Variants in LNPEP observed in about 807,000 individuals in gnomAD.
LNPEP encodes the protein leucyl and cystinyl aminopeptidase, also known as leucyl-cystinyl aminopeptidase.
LNPEP carries 64 observed loss-of-function variants against 120.6 expected under a neutral mutation model. The observed-to-expected ratio is 0.53, with a 90% CI of 0.43 to 0.65. The LOEUF is 0.65. LNPEP is among the 30% of genes least tolerant of loss of function. The pLI is 0.00. For synonymous variants in LNPEP, 435 were observed against 425.4 expected, an observed-to-expected ratio of 1.02 and a Z score of -0.28; for missense variants, 1,057 against 1,200.0, an observed-to-expected ratio of 0.88 and a Z score of 1.76.
At chr5:96,958,648 T>G (rs1042221456) in intron 1 of LNPEP, 16 of 247,420 alleles carry the variant, frequency 6.5e-5, no homozygotes, top group African/African-American at 3.3e-4. Flanking sequence ...AACGAAGGAG[T>G]TGGCAGGGCT....
chr5:96,999,995 A>C (rs1790607473), intron 8 of LNPEP, among the ~76,000 whole-genome samples: 1 of 152,132 alleles, frequency 6.6e-6, no homozygotes, highest in South Asian at 2.1e-4. Context: ...TACAAATACT[A>C]ACCATATACC....
intron 1 of LNPEP, among the ~76,000 whole-genome samples, chr5:96,961,195 A>C (rs1254810557): frequency 2.6e-5 from 4 of 152,174 alleles, no homozygotes. Flanking sequence ...ACAAAAAAAA[A>C]CTGTCTACCA....
chr5:97,029,169 AT>A lies in LNPEP; in HGVS notation c.*641del, dbSNP rs1791422681. 1 of 152,348 alleles carries A rather than the reference AT, an allele frequency of 6.6e-6. No individual in the cohort carries two copies. The highest frequency in any genetic ancestry group is 2.4e-5 in the African/African-American group (1 of 41,448). 9.4% of individuals were successfully genotyped at this position (152,348 alleles called of 1,614,324 possible). On this transcript the variant is annotated 3_prime_UTR_variant, in exon 18 of 18. Coordinates refer to ENST00000231368, the MANE Select transcript of LNPEP (RefSeq NM_005575.3). ...TAGCCAGGTGCTACAGATTTTTAAA[AT>A]TTTTGTTGTATTGAAAAGCTAAACA...
intron 1 of LNPEP, among the ~76,000 whole-genome samples, chr5:96,945,145 C>T (rs974484782): frequency 6.6e-6 from 1 of 151,976 alleles, no homozygotes; most frequent in Non-Finnish European, 1.5e-5. Flanking sequence ...ACCTGTAATC[C>T]TAGCACTTTG....
intron 6 of LNPEP, chr5:96,996,159 A>G (rs1267811242): frequency 6.1e-6 from 2 of 326,044 alleles, no homozygotes; most frequent in South Asian, 9.1e-5. Flanking sequence ...CTTGTTTCCC[A>G]TTCAGTTAAG....
intron 9 of LNPEP, 34 bp from the exon 10 acceptor site, chr5:97,006,039 A>C (rs1487785634): frequency 1.3e-6 from 1 of 762,440 alleles, no homozygotes; most frequent in Non-Finnish European, 1.7e-6. Flanking sequence ...TTTTTAAGGA[A>C]AAAGTTTTAT....
Position 97,017,412 on chromosome 5 carries a change from C to T in LNPEP, c.2376+2317C>T, listed in dbSNP as rs548789621. On this transcript the variant is annotated intron_variant, in intron 13 of 17. Coordinates refer to ENST00000231368, the MANE Select transcript of LNPEP (RefSeq NM_005575.3). Reference sequence around the variant, plus strand: ...ATGTATATTTGCAAATATCTTCTCCCACTCCATCTTGCTTTTTTTTACTCT... The same window carrying T: ...ATGTATATTTGCAAATATCTTCTCCTACTCCATCTTGCTTTTTTTTACTCT... 2.0e-5 allele frequency among the ~76,000 whole-genome samples: 3 copies of T among 151,988 alleles called. No individual in the cohort carries two copies. The East Asian group carries it at 5.8e-4, about 29-fold the overall frequency.
At position 97,035,790 on chromosome 5, in the gene LNPEP, A is replaced by G. The variant is rs1192549087; in HGVS notation, c.*7257A>G. 1 of 152,190 alleles carries G rather than the reference A, an allele frequency of 6.6e-6. No individual in the cohort carries two copies. The highest frequency in any genetic ancestry group is 1.5e-5 in the Non-Finnish European group (1 of 68,026). 9.4% of individuals were successfully genotyped at this position (152,190 alleles called of 1,614,324 possible). On this transcript the variant is annotated 3_prime_UTR_variant, in exon 18 of 18. Coordinates refer to ENST00000231368, the MANE Select transcript of LNPEP (RefSeq NM_005575.3). ...GGCTGGAAGGTGTAGCAGTGTATTA[A>G]TGTAACTAATAGCAACAGGTGTGCA...
intron 4 of LNPEP, among the ~76,000 whole-genome samples, chr5:96,989,356 TATTATATATAATTA>T (rs1561443150): frequency 1.5e-4 from 4 of 26,506 alleles, no homozygotes; most frequent in Non-Finnish European, 2.8e-4. Flanking sequence ...ATATATTATA[TATTATATATAATTA>T]TATATTATAT....
chr5:97,024,766 G>A, intron 15 of LNPEP, 84 bp downstream of exon 15: 1 of 1,284,832 alleles, frequency 7.8e-7, no homozygotes, highest in Non-Finnish European at 1.1e-6. Flanking sequence ...ATTTTTGAGG[G>A]GATCTCTTTT....
intron 1 of LNPEP, among the ~76,000 whole-genome samples, chr5:96,954,769 TATA>T (rs1378364502): frequency 0.052 from 2,321 of 44,526 alleles, 458 homozygotes; most frequent in Non-Finnish European, 0.062. Context: ...TATATATATA[TATA>T]TTTTTTTTTT....
intron 1 of LNPEP, among the ~76,000 whole-genome samples, chr5:96,971,396 T>G (rs1381757543): frequency 1.3e-5 from 2 of 151,346 alleles, no homozygotes; most frequent in African/African-American, 4.8e-5. Context: ...TTTATCTTTT[T>G]GGGGGTTTGC....
intron 11 of LNPEP, among the ~76,000 whole-genome samples, chr5:97,012,290 C>T (rs1790950055): frequency 6.6e-6 from 1 of 152,076 alleles, no homozygotes; most frequent in Admixed American, 6.6e-5. Context: ...AAGACAAAAA[C>T]TTGGCAAGAA....
chr5:96,936,130 C>T lies in LNPEP; in HGVS notation c.-26C>T. The T allele has an allele frequency of 1.3e-6, 2 of 1,514,188 alleles. No individual in the cohort carries two copies. Among genetic ancestry groups the T allele is most frequent in the South Asian group, 1.2e-5 (1 of 82,460 alleles). 93.8% of individuals were successfully genotyped at this position (1,514,188 alleles called of 1,614,324 possible). On this transcript the variant is annotated 5_prime_UTR_variant, in exon 1 of 18. Transcript: ENST00000231368. ...GGAGTAGGAAGCTCGGGCGCTCCGG[C>T]TGTAAGGAGCCGCGGCGGGGGGAAA...
intron 14 of LNPEP, among the ~76,000 whole-genome samples, chr5:97,023,628 C>G (rs532691002): frequency 1.3e-5 from 2 of 152,084 alleles, no homozygotes. Flanking sequence ...TCCATTCATT[C>G]CTGGATAGAC....
At chr5:97,027,169 C>T (rs529133587) in intron 16 of LNPEP, among the ~76,000 whole-genome samples, 6 of 152,170 alleles carry the variant, frequency 3.9e-5, no homozygotes, top group East Asian at 3.9e-4. Flanking sequence ...CTGGCTAACA[C>T]GGTGAAACCC....
chr5:96,952,104 A>G (rs1313427594), intron 1 of LNPEP, among the ~76,000 whole-genome samples: 1 of 152,152 alleles, frequency 6.6e-6, no homozygotes, highest in Non-Finnish European at 1.5e-5. Flanking sequence ...ATATTTATTT[A>G]ATAACAATAA....
At chr5:96,984,869 C>G (rs897797869) in intron 2 of LNPEP, among the ~76,000 whole-genome samples, 2 of 152,184 alleles carry the variant, frequency 1.3e-5, no homozygotes, top group Admixed American at 1.3e-4. Flanking sequence ...TTGTTTCCTT[C>G]CCTTTGTTCC....
Position 96,996,429 on chromosome 5 carries a change from C to T in LNPEP, c.1447C>T (p.Leu483=). 6.2e-7 allele frequency: 1 copy of T among 1,611,942 alleles called. No individual in the cohort carries two copies. ...GGTAACAATGAAGTGGTGGAATGAC[C>T]TATGGCTAAATGAAGGTTTTGCCAC... The part of the protein sequence containing the change: ...NLVTMKWWND[L]WLNEGFATFM... Residue 483 remains leucine, a synonymous_variant, in exon 7 of 18, where the codon CTA becomes TTA. Coordinates refer to ENST00000231368, the MANE Select transcript of LNPEP (RefSeq NM_005575.3).
Sources: allele counts gnomAD v4.1 joint callset (sites outside exome capture counted in the v4.1 genomes callset), GRCh38; gene constraint gnomAD v4.1.1; transcripts MANE v1.5; gene names NCBI Gene and HGNC (gene_info 2026-07-23, HGNC 2026-07-21).